Variants in HDAC9 observed in about 807,000 individuals in gnomAD.
HDAC9 encodes the protein MEF-2 interacting transcription repressor (MITR) protein.
A neutral mutation model predicts 139.4 loss-of-function variants in HDAC9; 41 were observed. That is an observed-to-expected ratio of 0.29 (90% CI 0.23 to 0.38). The LOEUF (loss-of-function observed/expected upper bound fraction) is 0.38. Among genes scored for constraint, HDAC9 ranks in the 10% least tolerant of loss-of-function variants. The pLI is 1.00. For synonymous variants in HDAC9, 517 were observed against 476.2 expected (o/e 1.09, Z -1.12); for missense variants, 1,147 against 1,297.0 (o/e 0.88, Z 1.78).
At chr7:18,274,657 T>A (rs1205919418) in intron 2 of HDAC9, among the ~76,000 whole-genome samples, 1 of 152,180 alleles carries the variant, frequency 6.6e-6, no homozygotes, top group African/African-American at 2.4e-5. Context: ...TTTGAGATAT[T>A]TTTATGCAAT....
chr7:18,489,529 G>C (rs768772735), intron 1 of HDAC9, among the ~76,000 whole-genome samples: 1 of 151,866 alleles, frequency 6.6e-6, no homozygotes, highest in Non-Finnish European at 1.5e-5. Context: ...ATTTAGGGAA[G>C]ACTTGAAGAA....
chr7:18,315,496 T>C (rs1431553194), intron 1 of HDAC9, among the ~76,000 whole-genome samples: 1 of 152,216 alleles, frequency 6.6e-6, no homozygotes, highest in Non-Finnish European at 1.5e-5. Flanking sequence ...TTTCACTGCA[T>C]ATTAGTTAAC....
At chr7:18,568,907 C>T (rs548042735) in intron 2 of HDAC9, among the ~76,000 whole-genome samples, 55 of 151,978 alleles carry the variant, frequency 3.6e-4, no homozygotes, top group Non-Finnish European at 3.4e-4. Flanking sequence ...ATTAGCTGGG[C>T]GTGGTGGCAC....
intron 1 of HDAC9, among the ~76,000 whole-genome samples, chr7:18,385,819 G>A (rs923715949): frequency 6.6e-6 from 1 of 151,646 alleles, no homozygotes; most frequent in Non-Finnish European, 1.5e-5. Context: ...CTAAGAGCTG[G>A]AAGAAAAAAT....
intron 21 of HDAC9, among the ~76,000 whole-genome samples, chr7:18,872,583 C>T (rs933153182): frequency 1.3e-5 from 2 of 152,026 alleles, no homozygotes; most frequent in Non-Finnish European, 2.9e-5. Flanking sequence ...TTAGTTTCTC[C>T]AAGAAGAGAG....
At chr7:18,506,786 C>T (rs1329449440) in intron 2 of HDAC9, among the ~76,000 whole-genome samples, 2 of 152,050 alleles carry the variant, frequency 1.3e-5, no homozygotes, top group Non-Finnish European at 2.9e-5. Flanking sequence ...CATTATAATG[C>T]ACTATTGTGA....
At chr7:18,150,770 A>T (rs185702197) in intron 1 of HDAC9, among the ~76,000 whole-genome samples, 8 of 152,332 alleles carry the variant, frequency 5.3e-5, no homozygotes, top group African/African-American at 1.9e-4. Flanking sequence ...AGACTCTTGA[A>T]GATCAGAGAT....
intron 2 of HDAC9, among the ~76,000 whole-genome samples, chr7:18,557,497 G>A (rs1307340526): frequency 6.6e-6 from 1 of 150,624 alleles, no homozygotes; most frequent in African/African-American, 2.4e-5. Context: ...AATATATAGA[G>A]ATATAAACAT....
At chr7:18,851,157 A>C (rs1368540151) in intron 21 of HDAC9, among the ~76,000 whole-genome samples, 1 of 152,194 alleles carries the variant, frequency 6.6e-6, no homozygotes, top group Non-Finnish European at 1.5e-5. Context: ...GATTTCCATG[A>C]GGAGCAGCTG....
chr7:18,602,680 A>G (rs750777672), intron 6 of HDAC9, among the ~76,000 whole-genome samples: 1 of 152,032 alleles, frequency 6.6e-6, no homozygotes, highest in Non-Finnish European at 1.5e-5. Flanking sequence ...TTTGAAATTT[A>G]TCCTGAGAGT....
At chr7:18,421,537 A>T (rs1360000676) in intron 1 of HDAC9, among the ~76,000 whole-genome samples, 2 of 152,140 alleles carry the variant, frequency 1.3e-5, no homozygotes, top group Non-Finnish European at 2.9e-5. Context: ...AACAGAAAGA[A>T]CACAATTATT....
At chr7:18,599,934 T>C (rs1833502833) in intron 6 of HDAC9, among the ~76,000 whole-genome samples, 1 of 152,020 alleles carries the variant, frequency 6.6e-6, no homozygotes, top group Non-Finnish European at 1.5e-5. Flanking sequence ...ATAACAGAGT[T>C]CCTGTTGCTC....
At chr7:18,424,378 A>G (rs1179083030) in intron 1 of HDAC9, among the ~76,000 whole-genome samples, 1 of 152,210 alleles carries the variant, frequency 6.6e-6, no homozygotes, top group Non-Finnish European at 1.5e-5. Flanking sequence ...AAATAATTAT[A>G]CCTACTTCAT....
At chr7:18,679,661 G>T (rs1781762379) in intron 12 of HDAC9, among the ~76,000 whole-genome samples, 1 of 147,912 alleles carries the variant, frequency 6.8e-6, no homozygotes, top group Non-Finnish European at 1.5e-5. Context: ...AAATTTATTA[G>T]ACCGTGTTCT....
intron 25 of HDAC9, among the ~76,000 whole-genome samples, chr7:18,983,913 C>T (rs948905501): frequency 6.6e-6 from 1 of 152,094 alleles, no homozygotes; most frequent in Non-Finnish European, 1.5e-5. Flanking sequence ...TGTCCTCTAC[C>T]TTCTTCCACC....
chr7:18,614,121 A>G lies in HDAC9; in HGVS notation c.665-15229A>G, dbSNP rs561776341. 7.9e-5 allele frequency among the ~76,000 whole-genome samples: 12 copies of G among 152,266 alleles called. No individual in the cohort carries two copies. The South Asian group carries it at 2.3e-3, about 29-fold the overall frequency. On this transcript the variant is annotated intron_variant, in intron 6 of 25. Coordinates refer to ENST00000686413, the MANE Select transcript of HDAC9 (RefSeq NM_178425.4). ...AGGGTTTAACCCAGCTTTCTCATCT[A>G]TAAAATGAATAGGTTGATCAGGACT...
At chr7:18,793,757 T>C (rs1382970422) in intron 17 of HDAC9, among the ~76,000 whole-genome samples, 1 of 152,128 alleles carries the variant, frequency 6.6e-6, no homozygotes, top group African/African-American at 2.4e-5. Context: ...TATATACATG[T>C]CTGTCATGCC....
chr7:18,777,358 G>A (rs1790863020), intron 16 of HDAC9, among the ~76,000 whole-genome samples: 1 of 151,508 alleles, frequency 6.6e-6, no homozygotes, highest in African/African-American at 2.4e-5. Context: ...TTTTTTCCTT[G>A]TGCATTTTAG....
chr7:18,301,256 A>G (rs1390501391), intron 1 of HDAC9, among the ~76,000 whole-genome samples: 1 of 152,194 alleles, frequency 6.6e-6, no homozygotes, highest in Non-Finnish European at 1.5e-5. Context: ...TAAGGTCATA[A>G]TATCAGAAGC....
Sources: gnomAD v4.1 joint callset for allele counts (sites outside exome capture counted in the v4.1 genomes callset) on GRCh38, gnomAD v4.1.1 for gene constraint, MANE v1.5 for transcripts, NCBI Gene and HGNC (gene_info 2026-07-23, HGNC 2026-07-21) for gene names.